The following EXTL3 variants were observed in gnomAD, a reference collection of about 807,000 sequenced individuals.
EXTL3 encodes exostosin-like 3.
Under a neutral mutation model 69.3 loss-of-function variants are expected in EXTL3, and 27 were observed. The ratio of observed to expected loss-of-function variants is 0.39; its 90% confidence interval spans 0.29 to 0.54. EXTL3 has a LOEUF of 0.54. Ranked by LOEUF, EXTL3 falls within the 20% of genes least tolerant of loss-of-function variation. The pLI is 0.69. For synonymous variants in EXTL3, 511 were observed against 499.4 expected (o/e 1.02, Z -0.31); for missense variants, 1,003 against 1,231.8 (o/e 0.81, Z 2.78).
At chr8:28,668,419 C>T (rs1036432560) in intron 1 of EXTL3, among the ~76,000 whole-genome samples, 1 of 148,464 alleles carries the variant, frequency 6.7e-6, no homozygotes, top group Non-Finnish European at 1.5e-5. Context: ...GCAACCTCCG[C>T]GTCCCAGGTT....
intron 4 of EXTL3, among the ~76,000 whole-genome samples, chr8:28,735,802 G>A (rs1052443860): frequency 6.6e-6 from 1 of 152,160 alleles, no homozygotes; most frequent in African/African-American, 2.4e-5. Context: ...AATCATAAGG[G>A]ACAGAAAAGG....
chr8:28,716,627 C>G lies in EXTL3; in HGVS notation c.568C>G (p.Leu190Val). ...CTGCTTTGATTATTCTCGTTGCCCT[C>G]TCACCTCTGGCTTCCCGGTCTACGT... ...HNCFDYSRCP[L>V]TSGFPVYVYD... The change falls in exon 3 of 7, where the codon CTC (leucine) becomes GTC (valine). Residue 190 changes from leucine (L) to valine (V), a missense_variant. Transcript: ENST00000220562. The surrounding 1 kb of genome is among the most constrained non-coding windows in gnomAD (Gnocchi z 7.1). The G allele has an allele frequency of 6.2e-7, 1 of 1,614,242 alleles. No individual in the cohort carries two copies. The highest frequency in any genetic ancestry group is 2.2e-5 in the East Asian group (1 of 44,882).
At chr8:28,616,111 T>C (rs932443018) in intron 2 of EXTL3, among the ~76,000 whole-genome samples, 2 of 152,126 alleles carry the variant, frequency 1.3e-5, no homozygotes, top group Admixed American at 6.5e-5. Flanking sequence ...GAAATTATTA[T>C]TGTGAAAAAT....
At chr8:28,615,448 T>A (rs1452491819) in intron 2 of EXTL3, among the ~76,000 whole-genome samples, 1 of 152,236 alleles carries the variant, frequency 6.6e-6, no homozygotes, top group East Asian at 1.9e-4. Context: ...ACATACATAT[T>A]GAGTATTTTG....
chr8:28,687,602 A>G (rs1031696263), intron 1 of EXTL3, among the ~76,000 whole-genome samples: 1 of 152,256 alleles, frequency 6.6e-6, no homozygotes, highest in Admixed American at 6.5e-5. Flanking sequence ...TTTAGTGGAC[A>G]GTTTGGCTCA....
intron 1 of EXTL3, among the ~76,000 whole-genome samples, chr8:28,690,460 GGGTGGT>G (rs753808506): frequency 1.3e-5 from 2 of 151,898 alleles, no homozygotes; most frequent in Non-Finnish European, 2.9e-5. Context: ...TGTTTTTTCT[GGGTGGT>G]GGTGGTGGTG....
downstream of EXTL3, among the ~76,000 whole-genome samples, chr8:28,756,549 T>G (rs1350897066): frequency 6.6e-6 from 1 of 152,234 alleles, no homozygotes; most frequent in East Asian, 1.9e-4. Flanking sequence ...GAATAAAGTT[T>G]CCGTGAACAT....
rs183255142 is a variant in EXTL3, at chr8:28,637,258, C to T, written c.-53+14448C>T. On this transcript the variant is annotated intron_variant, in intron 1 of 6. Coordinates refer to the EXTL3 transcript ENST00000523149. ...ATCAACTGGACTCTCCTAGCTTAGT[C>T]GATTTTCTAGCCAGCTTTCTCTCTC... is the stretch of plus-strand genomic sequence containing the variant. 6.6e-5 allele frequency: 10 copies of T among 152,260 alleles called. No individual in the cohort carries two copies. The East Asian group carries it at 1.4e-3, about 21-fold the overall frequency. The allele number at this position is 152,260 out of a possible 1,614,324, so 9.4% of individuals were successfully genotyped here.
At chr8:28,668,946 C>T (rs1807242636) in intron 1 of EXTL3, among the ~76,000 whole-genome samples, 4 of 143,766 alleles carry the variant, frequency 2.8e-5, no homozygotes. Context: ...TCACTGCAAC[C>T]TCCGTCTCCT....
intron 3 of EXTL3, among the ~76,000 whole-genome samples, chr8:28,723,563 A>G (rs919135809): frequency 2.0e-5 from 3 of 151,624 alleles, no homozygotes; most frequent in Admixed American, 6.6e-5. Context: ...AAAGTAAGGA[A>G]TCTGAGACTG....
chr8:28,685,887 CAG>C (rs1250135030), intron 1 of EXTL3: 1 of 150,246 alleles, frequency 6.7e-6, no homozygotes, highest in Non-Finnish European at 1.5e-5. Context: ...TTTCTTGAGA[CAG>C]AGTCTTGTCT....
At chr8:28,688,308 G>A (rs1375634963) in intron 1 of EXTL3, among the ~76,000 whole-genome samples, 1 of 152,088 alleles carries the variant, frequency 6.6e-6, no homozygotes, top group Non-Finnish European at 1.5e-5. Flanking sequence ...CAGGTGATCC[G>A]TCCACCTTGG....
intron 3 of EXTL3, among the ~76,000 whole-genome samples, chr8:28,718,880 T>G (rs1196145801): frequency 1.3e-5 from 2 of 152,192 alleles, no homozygotes; most frequent in Non-Finnish European, 2.9e-5. Context: ...CATCTCATGG[T>G]TAAGTGCTGT....
At chr8:28,745,147 T>C (rs935901656) in intron 6 of EXTL3, among the ~76,000 whole-genome samples, 6 of 151,054 alleles carry the variant, frequency 4.0e-5, no homozygotes, top group Non-Finnish European at 3.0e-5. Context: ...GAATGTGCCA[T>C]GGGCGTGTCT....
chr8:28,680,917 G>A (rs1417069765), intron 1 of EXTL3, among the ~76,000 whole-genome samples: 3 of 151,918 alleles, frequency 2.0e-5, no homozygotes, highest in African/African-American at 7.3e-5. Flanking sequence ...TCACTCTGTC[G>A]CCCAGGCTGG....
In EXTL3 at chr8:28,717,675, A is replaced by C; in HGVS notation, c.1616A>C (p.Gln539Pro). 1 of 1,614,260 alleles carries C rather than the reference A, an allele frequency of 6.2e-7. No individual in the cohort carries two copies. Among genetic ancestry groups the C allele is most frequent in the Non-Finnish European group, 8.5e-7 (1 of 1,180,040 alleles). ...TVLAMIRTRI[Q>P]IPAAPIREEA... Reference sequence around the variant, plus strand: ...CTGGCTATGATTAGGACTCGCATCCAGATCCCAGCCGCTCCCATCCGGGAA... The same window carrying C: ...CTGGCTATGATTAGGACTCGCATCCCGATCCCAGCCGCTCCCATCCGGGAA... Residue 539 changes from glutamine (Q) to proline (P), a missense_variant, in exon 3 of 7, where the codon CAG (glutamine) becomes CCG (proline). By Grantham distance (76) the Gln-to-Pro change is moderately conservative (BLOSUM62 -1). Coordinates refer to ENST00000220562, the MANE Select transcript of EXTL3 (RefSeq NM_001440.4). This position sits in a 1 kb window ranked among gnomAD's most constrained non-coding sequence, Gnocchi z 8.3.
intron 3 of EXTL3, among the ~76,000 whole-genome samples, chr8:28,718,476 C>T (rs561216988): frequency 1.3e-5 from 2 of 152,146 alleles, no homozygotes; most frequent in African/African-American, 4.8e-5. Flanking sequence ...AAAACCTTGT[C>T]GGTTATCCCG....
In EXTL3 at chr8:28,753,569, G is replaced by C. The variant is rs909647763; in HGVS notation, c.*2703G>C. On this transcript the variant is annotated 3_prime_UTR_variant, in exon 7 of 7. Coordinates refer to ENST00000220562, the MANE Select transcript of EXTL3 (RefSeq NM_001440.4). The stretch of plus-strand genomic sequence containing the variant: ...ACAGAGTGGGGAGCTCCTAGTTTGT[G>C]GGGGGAAGCTTTGATATCCATGCCA... 22 of 152,834 alleles carry C rather than the reference G, an allele frequency of 1.4e-4. No homozygotes were observed. Among genetic ancestry groups the C allele is most frequent in the African/African-American group, 5.3e-4 (22 of 41,556 alleles). 9.5% of individuals were successfully genotyped at this position (152,834 alleles called of 1,614,324 possible). A position where few individuals can be genotyped will look rare whatever the true frequency, so the allele number is the denominator to read the frequency against.
chr8:28,730,961 T>G (rs140051176), intron 3 of EXTL3, among the ~76,000 whole-genome samples: 389 of 152,330 alleles, frequency 2.6e-3, no homozygotes, highest in Admixed American at 6.8e-3. Flanking sequence ...ATTGCGTGTA[T>G]AAAATAATCT....
Sources: gnomAD v4.1 joint callset for allele counts (sites outside exome capture counted in the v4.1 genomes callset) on GRCh38, gnomAD v4.1.1 for gene constraint, Gnocchi (gnomAD v3.1) non-coding constraint, MANE v1.5 for transcripts, NCBI Gene and HGNC (gene_info 2026-07-23, HGNC 2026-07-21) for gene names.